The following ZNFX1 variants were observed in gnomAD, a reference collection of about 807,000 sequenced individuals.
The protein encoded by ZNFX1 is zinc finger NFX1-type containing 1, also known as NFX1-type zinc finger-containing protein 1.
Under a neutral mutation model 179.8 loss-of-function variants are expected in ZNFX1, and 78 were observed. That is an observed-to-expected ratio of 0.43 (90% CI 0.36 to 0.52). The LOEUF (loss-of-function observed/expected upper bound fraction) is 0.52, where lower values mean the gene tolerates loss of function less well. Among genes scored for constraint, ZNFX1 ranks in the 20% least tolerant of loss-of-function variants. The pLI, the probability that ZNFX1 is intolerant of heterozygous loss-of-function variation, is 0.00. For synonymous variants in ZNFX1, 848 were observed against 868.5 expected (o/e 0.98, Z 0.42); for missense variants, 1,927 against 2,386.6 (o/e 0.81, Z 4.01).
intron 7 of ZNFX1, among the ~76,000 whole-genome samples, chr20:49,258,433 G>C (rs1981027195): frequency 1.3e-5 from 2 of 152,164 alleles, no homozygotes; most frequent in Admixed American, 1.3e-4. Flanking sequence ...AATGAGAGGA[G>C]AGTTAGGAAA....
rs1414037867 is a variant in ZNFX1, at chr20:49,260,500, G to C, written c.2379C>G (p.Phe793Leu). The C allele has an allele frequency of 1.9e-6, 3 of 1,613,394 alleles. No homozygotes were observed. The highest frequency in any genetic ancestry group is 1.7e-5 in the Admixed American group (1 of 59,988). ...GTCCTGCTGGAGAAACACTTTGCGT[G>C]AAAGAACCGACACCAAGACCTAGCC... The part of the protein sequence containing the change: ...LEWLGLGVGS[F>L]TQSVSPAGPE... Residue 793 changes from phenylalanine (F) to leucine (L), a missense_variant, in exon 7 of 14, where the codon TTC becomes TTG. Physicochemically the swap from Phe to Leu is conservative, Grantham distance 22. Coordinates refer to ENST00000396105, the MANE Select transcript of ZNFX1 (RefSeq NM_021035.3).
Position 49,249,358 on chromosome 20 carries a change from G to C in ZNFX1, c.3666C>G (p.Ser1222=). The change falls in exon 14 of 14, where the codon TCC becomes TCG. Residue 1222 remains serine, a synonymous_variant. Coordinates refer to ENST00000396105, the MANE Select transcript of ZNFX1 (RefSeq NM_021035.3). ...TGCAGTACATTCCCTTCTTGGCTCG[G>C]GACAAGGCCACACAGATGCGGTTGG... is the stretch of plus-strand genomic sequence containing the variant. ...QISNRICVAL[S]RAKKGMYCIG... 1 of 1,614,224 alleles carries C rather than the reference G, an allele frequency of 6.2e-7. No individual in the cohort carries two copies. The highest frequency in any genetic ancestry group is 1.1e-5 in the South Asian group (1 of 91,086).
intron 6 of ZNFX1, among the ~76,000 whole-genome samples, chr20:49,261,430 G>A (rs2146735649): frequency 6.6e-6 from 1 of 152,176 alleles, no homozygotes; most frequent in South Asian, 2.1e-4. Flanking sequence ...GAGTTTGAGG[G>A]CATTATCTTT....
At position 49,248,065 on chromosome 20, in the gene ZNFX1, T is replaced by C; in HGVS notation, c.4959A>G (p.Ser1653=). The C allele has an allele frequency of 6.2e-7, 1 of 1,614,240 alleles. No individual in the cohort carries two copies. Residue 1653 remains serine (S), a synonymous_variant, in exon 14 of 14, where the codon TCA becomes TCG. Transcript: ENST00000396105. This position sits in a 1 kb window ranked among gnomAD's most constrained non-coding sequence, Gnocchi z 4.6. Reference sequence around the variant, plus strand: ...CCTGGCTGGTTGCTATTTCCCCTGCTGAGCCCTGGATCTTTTCCTTGATGA... The same window carrying C: ...CCTGGCTGGTTGCTATTTCCCCTGCCGAGCCCTGGATCTTTTCCTTGATGA... The part of the protein sequence containing the change: ...IEIIKEKIQG[S]AGEIATSQER...
Position 49,249,701 on chromosome 20 carries a change from GA to G in ZNFX1, c.3322del (p.Ser1108ProfsTer6). 1.2e-6 allele frequency: 2 copies of G among 1,610,648 alleles called. No homozygotes were observed. The highest frequency in any genetic ancestry group is 1.7e-6 in the Non-Finnish European group (2 of 1,177,336). ...LKYEKIKGVS[S>X]NLFFVEHNFP... is the part of the protein sequence containing the mutation. ...GTTGTGTTCTACAAAGAAAAGGTTGGAAGACACCCCCTGACAGGGAAAAGAA... is the reference window on the plus strand; with the variant it reads ...GTTGTGTTCTACAAAGAAAAGGTTGGAGACACCCCCTGACAGGGAAAAGAA... On this transcript the variant is annotated frameshift_variant, in exon 14 of 14. Coordinates refer to ENST00000396105, the MANE Select transcript of ZNFX1 (RefSeq NM_021035.3). LOFTEE classifies it high-confidence loss of function.
intron 1 of ZNFX1, among the ~76,000 whole-genome samples, chr20:49,277,721 A>G (rs238192): frequency 0.7 from 97,338 of 139,246 alleles, 34,165 homozygotes; most frequent in Non-Finnish European, 0.78. Flanking sequence ...GGCGCTGAGT[A>G]GGCGATGGAG....
chr20:49,270,867 T>C lies in ZNFX1; in HGVS notation c.945A>G (p.Arg315=). 1 of 1,614,146 alleles carries C rather than the reference T, an allele frequency of 6.2e-7. No individual in the cohort carries two copies. Among genetic ancestry groups the C allele is most frequent in the Non-Finnish European group, 8.5e-7 (1 of 1,180,020 alleles). The change falls in exon 3 of 14, where the codon AGA becomes AGG. Residue 315 remains arginine (R), a synonymous_variant. Transcript: ENST00000396105. The surrounding 1 kb of genome is among the most constrained non-coding windows in gnomAD (Gnocchi z 4.6). ...LQEKRREGTL[R]VDTYTLVQPE... ...GCTGCACTAGAGTGTAGGTATCCAC[T>C]CTCAAAGTGCCCTCTCGCCTCTTTT...
chr20:49,253,749 C>T lies in ZNFX1; in HGVS notation c.3022G>A (p.Ala1008Thr). Reference protein sequence around the residue: ...VEPRIVIVEEAAEVLEAHTIA... With the variant: ...VEPRIVIVEETAEVLEAHTIA... ...GTATGGGCCTCAAGGACTTCCGCAG[C>T]TTCTTCCACTATGACAATCCTCGGC... Residue 1008 changes from alanine (A) to threonine (T), a missense_variant, in exon 11 of 14, where the codon GCT (alanine) becomes ACT (threonine). Coordinates refer to ENST00000396105, the MANE Select transcript of ZNFX1 (RefSeq NM_021035.3). 6.2e-7 allele frequency: 1 copy of T among 1,614,220 alleles called. No individual in the cohort carries two copies. Among genetic ancestry groups the T allele is most frequent in the Non-Finnish European group, 8.5e-7 (1 of 1,180,050 alleles).
chr20:49,255,661 T>C (rs1600987867), intron 9 of ZNFX1, 147 bp downstream of exon 9: 1 of 862,642 alleles, frequency 1.2e-6, no homozygotes, highest in East Asian at 2.6e-5. Context: ...GTCTATTCTA[T>C]CCCATGGCTG....
In ZNFX1 at chr20:49,247,999, G is replaced by A; in HGVS notation, c.5025C>T (p.His1675=). 6.2e-7 allele frequency: 1 copy of A among 1,614,112 alleles called. No homozygotes were observed. Among genetic ancestry groups the A allele is most frequent in the East Asian group, 2.2e-5 (1 of 44,878 alleles). ...KALLERKSLL[H]QLLPEDFLML... ...TCAGGAAGTCTTCAGGAAGCAGCTGGTGGAGGAGGCTCTTCCTCTCCAGCA... is the reference window on the plus strand; with the variant it reads ...TCAGGAAGTCTTCAGGAAGCAGCTGATGGAGGAGGCTCTTCCTCTCCAGCA... Residue 1675 remains histidine, a synonymous_variant, in exon 14 of 14, where the codon CAC becomes CAT. Coordinates refer to ENST00000396105, the MANE Select transcript of ZNFX1 (RefSeq NM_021035.3).
chr20:49,276,955 T>C (rs1390261063), intron 1 of ZNFX1, among the ~76,000 whole-genome samples: 1 of 151,488 alleles, frequency 6.6e-6, no homozygotes, highest in Non-Finnish European at 1.5e-5. Flanking sequence ...TTCCCCTTGT[T>C]GAAAAATGCT....
rs920996132 is a variant in ZNFX1 at position 49,246,625 on chromosome 20, C to A, written c.*642G>T. 7 of 325,734 alleles carry A rather than the reference C, an allele frequency of 2.1e-5. No homozygotes were observed. Among genetic ancestry groups the A allele is most frequent in the African/African-American group, 1.3e-4 (6 of 45,224 alleles). 20.2% of individuals were successfully genotyped at this position (325,734 alleles called of 1,614,324 possible). On this transcript the variant is annotated 3_prime_UTR_variant, in exon 14 of 14. Transcript: ENST00000396105. ...GAGCTCATACTCTGTTCCTGGGGAA[C>A]AATGTAGAATAAACATCTGACCAAG...
At chr20:49,257,266 A>C in intron 8 of ZNFX1, 151 bp downstream of exon 8, 1 of 1,127,850 alleles carries the variant, frequency 8.9e-7, no homozygotes, top group Non-Finnish European at 1.2e-6. Flanking sequence ...TATCCTTGGG[A>C]ATCACTAAAG....
At position 49,270,307 on chromosome 20, in the gene ZNFX1, G is replaced by C; in HGVS notation, c.1505C>G (p.Ser502Cys). The change falls in exon 3 of 14, where the codon TCT (serine) becomes TGT (cysteine). Residue 502 changes from serine (S) to cysteine (C), a missense_variant. Coordinates refer to ENST00000396105, the MANE Select transcript of ZNFX1 (RefSeq NM_021035.3). The surrounding 1 kb of genome is among the most constrained non-coding windows in gnomAD (Gnocchi z 4.6). The part of the protein sequence containing the change: ...QLLAEVQPSD[S>C]FLMVETTAYF... ...TGCAGTTGTCTCTACCATGAGGAAA[G>C]AGTCAGAGGGCTGGACCTCTGCTAG... is the stretch of plus-strand genomic sequence containing the variant. The C allele has an allele frequency of 6.2e-7, 1 of 1,614,108 alleles. No homozygotes were observed. The highest frequency in any genetic ancestry group is 8.5e-7 in the Non-Finnish European group (1 of 1,180,016).
rs201256642 is a variant in ZNFX1, at chr20:49,249,487, G to T, written c.3537C>A (p.Val1179=). Residue 1179 remains valine (V), a synonymous_variant, in exon 14 of 14, where the codon GTC becomes GTA. Coordinates refer to ENST00000396105, the MANE Select transcript of ZNFX1 (RefSeq NM_021035.3). ...GGTATTTGTCCACAACATGGACCCT[G>T]ACGCCAGCAAATGTCTTGGCAGGCA... ...KLMPAKTFAG[V]RVHVVDKYQG... 76 of 1,614,268 alleles carry T rather than the reference G, an allele frequency of 4.7e-5. 1 individual carries two copies. The Middle Eastern group carries it at 3.6e-3, about 77-fold the overall frequency.
chr20:49,258,252 C>A (rs946112101), intron 7 of ZNFX1, among the ~76,000 whole-genome samples: 1 of 150,896 alleles, frequency 6.6e-6, no homozygotes, highest in Non-Finnish European at 1.5e-5. Flanking sequence ...TGCACCACCA[C>A]GCCCAGCTAA....
chr20:49,272,126 C>G (rs943163808), intron 2 of ZNFX1, among the ~76,000 whole-genome samples: 2 of 151,772 alleles, frequency 1.3e-5, no homozygotes, highest in Non-Finnish European at 2.9e-5. Flanking sequence ...CTGGCCACTG[C>G]CTTACTATAT....
Position 49,270,209 on chromosome 20 carries a change from T to C in ZNFX1, c.1603A>G (p.Asn535Asp). 1 of 1,614,010 alleles carries C rather than the reference T, an allele frequency of 6.2e-7. No individual in the cohort carries two copies. The highest frequency in any genetic ancestry group is 8.5e-7 in the Non-Finnish European group (1 of 1,180,032). Residue 535 changes from asparagine to aspartate, a missense_variant, in exon 3 of 14, where the codon AAT becomes GAT. Physicochemically the swap from Asn to Asp is conservative, Grantham distance 23 (BLOSUM62 1). Coordinates refer to ENST00000396105, the MANE Select transcript of ZNFX1 (RefSeq NM_021035.3). This position sits in a 1 kb window ranked among gnomAD's most constrained non-coding sequence, Gnocchi z 4.6. ...ACATGAGAGTTACACTCCACGATATTCCTCTGGAAGGGAACATCTTCCTCC... is the reference window on the plus strand; with the variant it reads ...ACATGAGAGTTACACTCCACGATATCCCTCTGGAAGGGAACATCTTCCTCC... ...VQEEDVPFQR[N>D]IVECNSHVKE...
chr20:49,257,325 A>G (rs541142618), intron 8 of ZNFX1, 92 bp downstream of exon 8: 2 of 1,532,764 alleles, frequency 1.3e-6, no homozygotes, highest in East Asian at 2.3e-5. Context: ...AGCTAATTGT[A>G]ATGGTGAAGT....
Sources: gnomAD v4.1 joint callset for allele counts (sites outside exome capture counted in the v4.1 genomes callset) on GRCh38, gnomAD v4.1.1 for gene constraint, Gnocchi (gnomAD v3.1) non-coding constraint, MANE v1.5 for transcripts, NCBI Gene and HGNC (gene_info 2026-07-23, HGNC 2026-07-21) for gene names.